Variants in FAM184B observed in about 807,000 individuals in gnomAD.
The protein encoded by FAM184B is family with sequence similarity 184 member B.
In FAM184B, 111 loss-of-function variants were observed where a neutral mutation model predicts 135.9. The ratio of observed to expected loss-of-function variants is 0.82; its 90% CI spans 0.70 to 0.96. FAM184B has a LOEUF of 0.96. Ranked by LOEUF, FAM184B falls within the 40% of genes least tolerant of loss-of-function variation. The pLI, the probability that FAM184B is intolerant of heterozygous loss-of-function variation, is 0.00. For missense variants in FAM184B, 1,375 were observed against 1,323.9 expected, an observed-to-expected ratio of 1.04 and a Z score of -0.60; for synonymous variants, 552 against 524.8, an observed-to-expected ratio of 1.05 and a Z score of -0.71.
chr4:17,642,902 TC>T (rs1715363804), intron 12 of FAM184B, among the ~76,000 whole-genome samples: 2 of 152,344 alleles, frequency 1.3e-5, no homozygotes, highest in Admixed American at 6.5e-5. Flanking sequence ...TAGTGAATGT[TC>T]CAGTTTTCAA....
chr4:17,635,064 C>A lies in FAM184B; in HGVS notation c.2834G>T (p.Arg945Leu). Residue 945 changes from arginine (R) to leucine (L), a missense_variant, in exon 16 of 18, where the codon CGG (arginine) becomes CTG (leucine). Arg to Leu is a moderately radical substitution (Grantham distance 102). Transcript: ENST00000265018. ...YAAFPSAMSH[R>L]NRSFSFNPHP... ...AGGATTGAAAGAGAAAGACCGATTC[C>A]GGTGGGACATGGCACTGGGGAATGC... 6.4e-7 allele frequency: 1 copy of A among 1,551,772 alleles called. No individual in the cohort carries two copies. The highest frequency in any genetic ancestry group is 2.0e-5 in the Admixed American group (1 of 50,990).
At chr4:17,647,479 G>A (rs1715500612) in intron 12 of FAM184B, among the ~76,000 whole-genome samples, 158 bp downstream of exon 12, 1 of 152,032 alleles carries the variant, frequency 6.6e-6, no homozygotes, top group Non-Finnish European at 1.5e-5. Flanking sequence ...TGAAATCCTG[G>A]CCTCAAGTGG....
intron 6 of FAM184B, among the ~76,000 whole-genome samples, chr4:17,691,644 C>T (rs1197726317): frequency 6.8e-6 from 1 of 147,852 alleles, no homozygotes; most frequent in Non-Finnish European, 1.5e-5. Flanking sequence ...TGAGATCACG[C>T]CAATGCACTC....
At chr4:17,749,753 G>C (rs1342720383) in intron 1 of FAM184B, among the ~76,000 whole-genome samples, 1 of 152,080 alleles carries the variant, frequency 6.6e-6, no homozygotes, top group East Asian at 1.9e-4. Context: ...CAGTACAAAG[G>C]AATAGTCATA....
intron 1 of FAM184B, among the ~76,000 whole-genome samples, chr4:17,760,414 G>A (rs1718519002): frequency 6.6e-6 from 1 of 150,912 alleles, no homozygotes. Context: ...AGGTTGCAGT[G>A]AGCCAAGATC....
At chr4:17,639,178 T>C (rs979256202) in intron 14 of FAM184B, 72 bp downstream of exon 14, 3 of 1,424,354 alleles carry the variant, frequency 2.1e-6, no homozygotes, top group Non-Finnish European at 9.6e-7. Context: ...CCCAGGGTCA[T>C]TGGGGTGAGT....
chr4:17,689,109 G>A (rs984666530), intron 6 of FAM184B, among the ~76,000 whole-genome samples: 2 of 151,990 alleles, frequency 1.3e-5, no homozygotes, highest in African/African-American at 2.4e-5. Flanking sequence ...TTCTATACTC[G>A]ATCTGTAGGG....
At chr4:17,645,985 T>C (rs1044140421) in intron 12 of FAM184B, among the ~76,000 whole-genome samples, 12 of 152,124 alleles carry the variant, frequency 7.9e-5, no homozygotes, top group African/African-American at 1.7e-4. Flanking sequence ...AAAATGCTCA[T>C]CATCACTGGC....
chr4:17,669,746 A>C (rs1324048399), intron 7 of FAM184B, among the ~76,000 whole-genome samples: 2 of 152,212 alleles, frequency 1.3e-5, no homozygotes, highest in African/African-American at 4.8e-5. Context: ...GAAAATATAT[A>C]ATGGGAGATT....
chr4:17,709,011 G>A lies in FAM184B; in HGVS notation c.775C>T (p.Gln259Ter). 1 of 1,550,522 alleles carries A rather than the reference G, an allele frequency of 6.4e-7. No homozygotes were observed. The highest frequency in any genetic ancestry group is 8.7e-7 in the Non-Finnish European group (1 of 1,146,950). Residue 259 changes from glutamine (Q) to a stop codon, truncating the protein, a stop_gained, in exon 2 of 18, where the codon CAG becomes TAG. Coordinates refer to ENST00000265018, the MANE Select transcript of FAM184B (RefSeq NM_015688.2). LOFTEE classifies it high-confidence loss of function. ...EKESDLRKNF[Q>*]VQESALQAQV... The stretch of plus-strand genomic sequence containing the variant: ...GCCTGCAGGGCTGACTCCTGGACCT[G>A]GAAGTTCTTGCGGAGGTCCGACTCC...
At chr4:17,700,304 G>A (rs1716956534) in intron 5 of FAM184B, among the ~76,000 whole-genome samples, 1 of 152,008 alleles carries the variant, frequency 6.6e-6, no homozygotes, top group African/African-American at 2.4e-5. Flanking sequence ...GAAAGACACA[G>A]GTTAAAGTAA....
chr4:17,714,801 G>C (rs1229158928), intron 1 of FAM184B, among the ~76,000 whole-genome samples: 1 of 152,188 alleles, frequency 6.6e-6, no homozygotes, highest in African/African-American at 2.4e-5. Context: ...GAGGGTAGCA[G>C]AGAGGGTACC....
chr4:17,752,957 G>A (rs937727938), intron 1 of FAM184B, among the ~76,000 whole-genome samples: 8 of 152,220 alleles, frequency 5.3e-5, no homozygotes, highest in Admixed American at 2.6e-4. Context: ...CTTGAAGGTA[G>A]CAGCTACTTC....
chr4:17,690,457 G>A (rs576878323), intron 6 of FAM184B, among the ~76,000 whole-genome samples: 50 of 152,266 alleles, frequency 3.3e-4, no homozygotes, highest in African/African-American at 1.1e-3. Context: ...TAGGAAGGGA[G>A]GAGTGGGGCT....
At chr4:17,699,053 A>G (rs1238423792) in intron 5 of FAM184B, among the ~76,000 whole-genome samples, 2 of 152,088 alleles carry the variant, frequency 1.3e-5, no homozygotes, top group Non-Finnish European at 2.9e-5. Context: ...ATGAGGAGGG[A>G]GAAGGAAACT....
chr4:17,707,583 G>A, intron 3 of FAM184B, 66 bp downstream of exon 3: 1 of 1,536,632 alleles, frequency 6.5e-7, no homozygotes, highest in Non-Finnish European at 8.8e-7. Context: ...TAGGCTGCCA[G>A]TAGCACCAGA....
intron 5 of FAM184B, among the ~76,000 whole-genome samples, chr4:17,703,729 T>G (rs1161294946): frequency 1.3e-5 from 2 of 151,996 alleles, no homozygotes; most frequent in African/African-American, 4.8e-5. Flanking sequence ...TCAAGAGATC[T>G]AGACCAACCT....
intron 11 of FAM184B, among the ~76,000 whole-genome samples, chr4:17,649,869 C>T (rs1056439806): frequency 5.1e-5 from 2 of 39,404 alleles, no homozygotes; most frequent in African/African-American, 8.7e-5. Context: ...TCCACCCACT[C>T]ATCCATCCAT....
At chr4:17,745,716 CT>C (rs1718143552) in intron 1 of FAM184B, among the ~76,000 whole-genome samples, 1 of 152,160 alleles carries the variant, frequency 6.6e-6, no homozygotes, top group Non-Finnish European at 1.5e-5. Context: ...TTCTTGGTTT[CT>C]GATTTTCAGA....
Sources: gnomAD v4.1 joint callset for allele counts (sites outside exome capture counted in the v4.1 genomes callset) on GRCh38, gnomAD v4.1.1 for gene constraint, MANE v1.5 for transcripts, NCBI Gene and HGNC (gene_info 2026-07-23, HGNC 2026-07-21) for gene names.